Variants in CNTNAP2 observed in about 807,000 individuals in gnomAD.
CNTNAP2 encodes the protein contactin-associated protein-like 2.
CNTNAP2 carries 98 observed loss-of-function variants against 155.2 expected under a neutral mutation model. The observed-to-expected ratio is 0.63, with a 90% confidence interval of 0.54 to 0.75. The LOEUF is 0.75. CNTNAP2 is among the 30% of genes least tolerant of loss of function. CNTNAP2 has a pLI of 0.00. For synonymous variants in CNTNAP2, 651 were observed against 631.2 expected, an observed-to-expected ratio of 1.03 and a Z score of -0.47; for missense variants, 1,727 against 1,688.1, an observed-to-expected ratio of 1.02 and a Z score of -0.40.
chr7:147,529,703 G>A lies in CNTNAP2; in HGVS notation c.1778-32435G>A, dbSNP rs116467714. On this transcript the variant is annotated intron_variant, in intron 11 of 23. Transcript: ENST00000361727. The stretch of plus-strand genomic sequence containing the variant: ...TGTTTGTATATTTTTCATGTGTTAG[G>A]ACTACAGGTTTCCAGAAAATAAACC... 5.1e-3 allele frequency among the ~76,000 whole-genome samples: 779 copies of A among 152,238 alleles called. 10 individuals carry two copies. The highest frequency in any genetic ancestry group is 0.018 in the African/African-American group (747 of 41,538).
intron 3 of CNTNAP2, among the ~76,000 whole-genome samples, chr7:146,976,617 A>C (rs1234504300): frequency 6.6e-6 from 1 of 152,198 alleles, no homozygotes; most frequent in African/African-American, 2.4e-5. Flanking sequence ...TGAAGCTTCC[A>C]TGCCCTCTTT....
intron 1 of CNTNAP2, among the ~76,000 whole-genome samples, chr7:146,147,691 A>C (rs546248912): frequency 6.6e-6 from 1 of 152,256 alleles, no homozygotes; most frequent in East Asian, 1.9e-4. Context: ...GAGGATTTAG[A>C]ATAGACATCT....
intron 1 of CNTNAP2, among the ~76,000 whole-genome samples, chr7:146,468,183 A>C (rs532603095): frequency 6.6e-6 from 1 of 152,198 alleles, no homozygotes; most frequent in Non-Finnish European, 1.5e-5. Context: ...AAGAAAACTA[A>C]GAATAATAAC....
intron 1 of CNTNAP2, among the ~76,000 whole-genome samples, chr7:146,571,973 C>T (rs554315288): frequency 6.6e-5 from 10 of 152,288 alleles, no homozygotes; most frequent in African/African-American, 2.4e-4. Flanking sequence ...CCCACCTCGG[C>T]CTCCCGAAGT....
chr7:148,296,383 C>G (rs1018966251), intron 21 of CNTNAP2, among the ~76,000 whole-genome samples: 5 of 151,364 alleles, frequency 3.3e-5, no homozygotes, highest in Non-Finnish European at 7.4e-5. Context: ...ACCATCTCTA[C>G]TAAAATACAA....
intron 1 of CNTNAP2, among the ~76,000 whole-genome samples, chr7:146,169,676 A>ATATGATT (rs1798361148): frequency 1.4e-5 from 2 of 147,954 alleles, no homozygotes; most frequent in Non-Finnish European, 3.0e-5. Context: ...CTGTGATATG[A>ATATGATT]TTTTTTTTTT....
intron 12 of CNTNAP2, among the ~76,000 whole-genome samples, chr7:147,628,183 G>A (rs1795021074): frequency 6.6e-6 from 1 of 152,114 alleles, no homozygotes; most frequent in East Asian, 1.9e-4. Context: ...ATAGTCATTA[G>A]GTTATCTAAA....
At position 146,527,385 on chromosome 7, in the gene CNTNAP2, G is replaced by T. The variant is rs1405190365; in HGVS notation, c.98-246886G>T. Reference sequence around the variant, plus strand: ...TTATTCAATACCTGTTTTGTATTAGGCATTTTCTCATTTTTTGAGAATGCA... The same window carrying T: ...TTATTCAATACCTGTTTTGTATTAGTCATTTTCTCATTTTTTGAGAATGCA... On this transcript the variant is annotated intron_variant, in intron 1 of 23. Transcript: ENST00000361727. Among the ~76,000 whole-genome samples, 7 of 152,094 alleles carry T rather than the reference G, an allele frequency of 4.6e-5. No individual in the cohort carries two copies. The East Asian group carries it at 1.2e-3, about 25-fold the overall frequency.
intron 21 of CNTNAP2, among the ~76,000 whole-genome samples, chr7:148,319,510 G>A (rs188667081): frequency 5.5e-4 from 84 of 152,216 alleles, no homozygotes; most frequent in East Asian, 3.1e-3. Flanking sequence ...GACACCTACC[G>A]TGGCCTGTTA....
intron 16 of CNTNAP2, chr7:148,133,649 C>T (rs1804878900): frequency 6.6e-6 from 1 of 152,086 alleles, no homozygotes; most frequent in Non-Finnish European, 1.5e-5. Context: ...CACACTGAAC[C>T]AGCGTGAACA....
intron 8 of CNTNAP2, among the ~76,000 whole-genome samples, chr7:147,159,939 T>G (rs1326708460): frequency 6.6e-6 from 1 of 151,892 alleles, no homozygotes; most frequent in Non-Finnish European, 1.5e-5. Context: ...GAATCAAAGT[T>G]TTTTTTTGGT....
intron 8 of CNTNAP2, among the ~76,000 whole-genome samples, chr7:147,298,643 A>G (rs1337928131): frequency 6.6e-6 from 1 of 152,204 alleles, no homozygotes; most frequent in Non-Finnish European, 1.5e-5. Context: ...TGATTTTCCT[A>G]TAAAGGAGCA....
chr7:147,792,033 G>C (rs1290917100), intron 13 of CNTNAP2, among the ~76,000 whole-genome samples: 1 of 152,170 alleles, frequency 6.6e-6, no homozygotes, highest in African/African-American at 2.4e-5. Context: ...CTAATTAGAA[G>C]CATTCTTTGC....
At chr7:147,737,008 T>G (rs958896363) in intron 13 of CNTNAP2, among the ~76,000 whole-genome samples, 6 of 152,230 alleles carry the variant, frequency 3.9e-5, no homozygotes, top group Non-Finnish European at 7.3e-5. Context: ...ATCTGAAGCC[T>G]TCTTCTCTCA....
intron 18 of CNTNAP2, among the ~76,000 whole-genome samples, chr7:148,196,383 G>C (rs1430365917): frequency 1.3e-5 from 2 of 152,166 alleles, no homozygotes; most frequent in Admixed American, 6.5e-5. Context: ...CGCTGCAGCA[G>C]GATTCGGAGG....
intron 19 of CNTNAP2, among the ~76,000 whole-genome samples, chr7:148,222,277 A>C (rs1208616868): frequency 6.6e-6 from 1 of 152,230 alleles, no homozygotes; most frequent in Non-Finnish European, 1.5e-5. Context: ...AAGAAAAGGA[A>C]TTTATTTCTT....
intron 8 of CNTNAP2, among the ~76,000 whole-genome samples, chr7:147,278,990 G>A (rs961507110): frequency 2.4e-4 from 36 of 151,408 alleles, no homozygotes; most frequent in Middle Eastern, 4.2e-3. Flanking sequence ...ATTATACATA[G>A]CTTGCTAGAC....
intron 8 of CNTNAP2, among the ~76,000 whole-genome samples, chr7:147,286,291 T>A (rs1048173995): frequency 2.0e-5 from 3 of 151,988 alleles, no homozygotes; most frequent in African/African-American, 7.2e-5. Flanking sequence ...CAATTTAGAT[T>A]TAAGAAATTG....
intron 1 of CNTNAP2, among the ~76,000 whole-genome samples, chr7:146,540,748 G>A (rs1405178): frequency 0.39 from 59,763 of 151,812 alleles, 12,396 homozygotes; most frequent in East Asian, 0.52. Flanking sequence ...TTGAGGGCTA[G>A]TGCCAATTAA....
Sources: allele counts gnomAD v4.1 joint callset (sites outside exome capture counted in the v4.1 genomes callset), GRCh38; gene constraint gnomAD v4.1.1; transcripts MANE v1.5; gene names NCBI Gene and HGNC (gene_info 2026-07-23, HGNC 2026-07-21).